SUPT20H: variants seen among roughly 807,000 people sequenced by gnomAD.
The protein encoded by SUPT20H is SPT20 homolog, SAGA complex component.
Under a neutral mutation model 122.8 loss-of-function variants are expected in SUPT20H, and 82 were observed. The observed-to-expected ratio is 0.67, with a 90% CI of 0.56 to 0.80. SUPT20H has a LOEUF of 0.80. Ranked by LOEUF, SUPT20H falls within the 30% of genes least tolerant of loss-of-function variation. The pLI, the probability that SUPT20H is intolerant of heterozygous loss-of-function variation, is 0.00. For missense variants in SUPT20H, 831 were observed against 921.6 expected, an observed-to-expected ratio of 0.90 and a Z score of 1.27; for synonymous variants, 291 against 313.0, an observed-to-expected ratio of 0.93 and a Z score of 0.74.
intron 9 of SUPT20H, among the ~76,000 whole-genome samples, chr13:37,033,912 GTGTC>G (rs376460006): frequency 4.6e-5 from 7 of 152,104 alleles, no homozygotes; most frequent in African/African-American, 1.7e-4. Flanking sequence ...CACTTATTTT[GTGTC>G]TGTGTCACAT....
At chr13:37,042,060 G>A (rs1453167724) in intron 7 of SUPT20H, among the ~76,000 whole-genome samples, 1 of 152,208 alleles carries the variant, frequency 6.6e-6, no homozygotes, top group African/African-American at 2.4e-5. Context: ...ATGAGACAAG[G>A]ATGGATGGAA....
chr13:37,051,952 G>A (rs965295085), intron 1 of SUPT20H, among the ~76,000 whole-genome samples: 1 of 152,008 alleles, frequency 6.6e-6, no homozygotes, highest in Non-Finnish European at 1.5e-5. Flanking sequence ...TGCCCACTGG[G>A]CTTGATCACT....
intron 3 of SUPT20H, 100 bp downstream of exon 3, chr13:37,048,464 A>C: frequency 9.4e-7 from 1 of 1,058,476 alleles, no homozygotes; most frequent in Non-Finnish European, 1.4e-6. Flanking sequence ...CTAAAATAGT[A>C]ATGTGCTCCT....
chr13:37,029,504 G>A (rs1470453505), intron 13 of SUPT20H, among the ~76,000 whole-genome samples: 1 of 151,758 alleles, frequency 6.6e-6, no homozygotes, highest in African/African-American at 2.4e-5. Context: ...CAGCCTGGGC[G>A]ATAAGAGCCA....
intron 10 of SUPT20H, 41 bp from the exon 11 acceptor site, chr13:37,031,936 A>C (rs1184547459): frequency 6.6e-7 from 1 of 1,526,458 alleles, no homozygotes; most frequent in Admixed American, 2.3e-5. Context: ...CACTAATAAA[A>C]GAAACTCATA....
At chr13:37,057,930 C>T (rs182884801) in intron 1 of SUPT20H, among the ~76,000 whole-genome samples, 3 of 145,932 alleles carry the variant, frequency 2.1e-5, no homozygotes, top group Non-Finnish European at 4.5e-5. Flanking sequence ...GCGAAGATCG[C>T]GCCACTGCAC....
chr13:37,020,134 G>A (rs1485105264), intron 21 of SUPT20H, among the ~76,000 whole-genome samples: 1 of 151,810 alleles, frequency 6.6e-6, no homozygotes, highest in East Asian at 1.9e-4. Flanking sequence ...CTCAAGGTAT[G>A]TATATATTTT....
intron 19 of SUPT20H, 111 bp downstream of exon 19, chr13:37,023,924 G>T (rs1487409675): frequency 2.3e-5 from 26 of 1,106,388 alleles, no homozygotes; most frequent in Non-Finnish European, 1.6e-5. Context: ...TACATTTTGG[G>T]TACACAGTAC....
At chr13:37,057,938 C>T (rs1208091307) in intron 1 of SUPT20H, among the ~76,000 whole-genome samples, 2 of 134,516 alleles carry the variant, frequency 1.5e-5, no homozygotes, top group Non-Finnish European at 3.0e-5. Context: ...CGCGCCACTG[C>T]ACTGCAGCCT....
chr13:37,054,357 C>T (rs1484927736), intron 1 of SUPT20H, among the ~76,000 whole-genome samples: 2 of 152,122 alleles, frequency 1.3e-5, no homozygotes, highest in African/African-American at 4.8e-5. Context: ...AACATCGATG[C>T]AAAAATCCTC....
At chr13:37,031,445 G>T in intron 12 of SUPT20H, 122 bp downstream of exon 12, 1 of 538,848 alleles carries the variant, frequency 1.9e-6, no homozygotes, top group Non-Finnish European at 3.1e-6. Flanking sequence ...CTTGTTTAGA[G>T]TATGATCTAA....
intron 5 of SUPT20H, chr13:37,047,216 G>C (rs556296701): frequency 6.0e-6 from 1 of 166,360 alleles, no homozygotes; most frequent in East Asian, 1.8e-4. Flanking sequence ...CTTCTCAGGA[G>C]GAAGTGCTAT....
At chr13:37,039,234 T>A (rs984622813) in intron 9 of SUPT20H, 1 of 152,080 alleles carries the variant, frequency 6.6e-6, no homozygotes, top group African/African-American at 2.4e-5. Context: ...ACTCGATGGG[T>A]ACCAAAACCA....
rs1227404849 is a variant in SUPT20H at position 37,055,855 on chromosome 13, T to C, written c.-94+3704A>G. Among the ~76,000 whole-genome samples the C allele has an allele frequency of 8.7e-4, 133 of 152,118 alleles. 1 individual carries two copies. The highest frequency in any genetic ancestry group is 3.5e-3 in the Admixed American group (54 of 15,242). The stretch of plus-strand genomic sequence containing the variant: ...AACCTACAGAATGGGAGAAAATGTT[T>C]GCAATCTACTCATCTGACAAAGGGC... On this transcript the variant is annotated intron_variant, in intron 1 of 25. Coordinates refer to ENST00000350612, the MANE Select transcript of SUPT20H (RefSeq NM_001014286.3).
intron 9 of SUPT20H, chr13:37,039,037 G>A (rs905770552): frequency 6.6e-6 from 1 of 152,202 alleles, no homozygotes; most frequent in African/African-American, 2.4e-5. Flanking sequence ...ACAAGACTAT[G>A]TTGAAGACGA....
chr13:37,021,957 G>A, intron 20 of SUPT20H, 54 bp downstream of exon 20: 3 of 1,499,052 alleles, frequency 2.0e-6, no homozygotes, highest in Non-Finnish European at 2.7e-6. Flanking sequence ...AATTTATTTA[G>A]ATTGGTGAAA....
chr13:37,017,340 T>C lies in SUPT20H; in HGVS notation c.1897A>G (p.Asn633Asp), dbSNP rs1410882017. Reference protein sequence around the residue: ...LQLPGGSLIFNTLQQQQQQLS... With the variant: ...LQLPGGSLIFDTLQQQQQQLS... ...TGCTGTTGCTGCTGCTGCAGAGTGTTAAAAATAAGTGAACCACCTGGAAGC... is the reference window on the plus strand; with the variant it reads ...TGCTGTTGCTGCTGCTGCAGAGTGTCAAAAATAAGTGAACCACCTGGAAGC... The change falls in exon 23 of 26, where the codon AAC becomes GAC. Residue 633 changes from asparagine (N) to aspartate (D), a missense_variant. Asn to Asp is a conservative substitution (Grantham distance 23). Transcript: ENST00000350612. 1 of 1,613,916 alleles carries C rather than the reference T, an allele frequency of 6.2e-7. No individual in the cohort carries two copies. Among genetic ancestry groups the C allele is most frequent in the South Asian group, 1.1e-5 (1 of 91,000 alleles).
Position 37,020,421 on chromosome 13 carries a change from C to G in SUPT20H, c.1817-1024G>C, listed in dbSNP as rs566504258. Among the ~76,000 whole-genome samples the G allele has an allele frequency of 4.3e-3, 656 of 152,220 alleles. 3 individuals are homozygous for G. The highest frequency in any genetic ancestry group is 0.015 in the African/African-American group (626 of 41,520). On this transcript the variant is annotated intron_variant, in intron 21 of 25. Transcript: ENST00000350612. ...TTCATTTAGTTCTCTTAAGTACCAA[C>G]TGGAGATATTTTTATTCCCACTTTA...
In SUPT20H at chr13:37,028,268, C is replaced by G. The variant is rs760801900; in HGVS notation, c.1031G>C (p.Gly344Ala). Residue 344 changes from glycine (G) to alanine (A), a missense_variant, in exon 14 of 26, where the codon GGT (glycine) becomes GCT (alanine). Coordinates refer to ENST00000350612, the MANE Select transcript of SUPT20H (RefSeq NM_001014286.3). ...KDDYVFECEAGTQYQKTKLTI... is the reference protein window; with the variant it reads ...KDDYVFECEAATQYQKTKLTI... ...CAGCTTTGTTTTCTGATACTGAGTA[C>G]CAGCTTCACATTCAAATACATAATC... 2.5e-6 allele frequency: 4 copies of G among 1,612,664 alleles called. No individual in the cohort carries two copies. The Admixed American group carries it at 6.7e-5, about 27-fold the overall frequency.
Sources: allele counts gnomAD v4.1 joint callset (sites outside exome capture counted in the v4.1 genomes callset), GRCh38; gene constraint gnomAD v4.1.1; transcripts MANE v1.5; gene names NCBI Gene and HGNC (gene_info 2026-07-23, HGNC 2026-07-21).